Variants in ANKRD28 observed in about 807,000 individuals in gnomAD.
The protein encoded by ANKRD28 is serine/threonine-protein phosphatase 6 regulatory ankyrin repeat subunit A.
A neutral mutation model predicts 126.5 loss-of-function variants in ANKRD28; 44 were observed. That is an observed-to-expected ratio of 0.35 (90% CI 0.27 to 0.45). The LOEUF is 0.45. Ranked by LOEUF, ANKRD28 falls within the 20% of genes least tolerant of loss-of-function variation. ANKRD28 has a pLI of 1.00. For synonymous variants in ANKRD28, 442 were observed against 468.5 expected, an observed-to-expected ratio of 0.94 and a Z score of 0.73; for missense variants, 1,110 against 1,316.6, an observed-to-expected ratio of 0.84 and a Z score of 2.43.
At chr3:15,686,577 T>C (rs1226799979) in intron 18 of ANKRD28, 26 of 443,658 alleles carry the variant, frequency 5.9e-5, no homozygotes, top group Non-Finnish European at 9.8e-5. Context: ...AGAATGCTCA[T>C]TTTATTTAGC....
At chr3:15,742,210 G>A (rs1168184961) in intron 4 of ANKRD28, among the ~76,000 whole-genome samples, 17 of 151,366 alleles carry the variant, frequency 1.1e-4, no homozygotes, top group Admixed American at 3.9e-4. Context: ...CGTCTGGGAC[G>A]TGAGGAGCCC....
intron 17 of ANKRD28, among the ~76,000 whole-genome samples, chr3:15,694,052 A>AC (rs1314749978): frequency 1.3e-5 from 2 of 151,922 alleles, no homozygotes; most frequent in Non-Finnish European, 1.5e-5. Context: ...TTCTCAAAGT[A>AC]CCCCCTTCCC....
chr3:15,697,428 CT>C lies in ANKRD28; in HGVS notation c.1548-1184del, dbSNP rs764253365. The C allele has an allele frequency of 3.3e-5, 5 of 152,196 alleles. No individual in the cohort carries two copies. In the East Asian group the frequency reaches 5.8e-4, roughly 18 times the overall value. 9.4% of individuals were successfully genotyped at this position (152,196 alleles called of 1,614,324 possible). ...AATCTCAGAAATCATCAATAAAGAA[CT>C]TATCTATGTAACCAAAAACCACCTG... is the stretch of plus-strand genomic sequence containing the variant. On this transcript the variant is annotated intron_variant, in intron 14 of 27. Coordinates refer to ENST00000683139, the MANE Select transcript of ANKRD28 (RefSeq NM_001349278.2).
At chr3:15,800,174 T>C (rs896300812), upstream of ANKRD28, among the ~76,000 whole-genome samples, 18 of 152,186 alleles carry the variant, frequency 1.2e-4, 2 homozygotes, top group South Asian at 3.3e-3. Context: ...TTAAATTCCC[T>C]AAGCCTAAAT....
chr3:15,851,388 A>T (rs982227204), intron 1 of ANKRD28, among the ~76,000 whole-genome samples: 8 of 151,934 alleles, frequency 5.3e-5, no homozygotes, highest in African/African-American at 1.5e-4. Flanking sequence ...CCAAAAATAA[A>T]AAAAAATTAG....
chr3:15,708,038 T>C lies in ANKRD28; in HGVS notation c.1433A>G (p.Asn478Ser), dbSNP rs188642170. ...GRSPLHYAAA[N>S]CNYQCLFALV... ...AGCAAACAGGCACTGGTAATTGCAG[T>C]TGGCAGCAGCGTAGTGCAGTGGAGA... The change falls in exon 14 of 28, where the codon AAC becomes AGC. Residue 478 changes from asparagine to serine, a missense_variant. Asn to Ser is a conservative substitution (Grantham distance 46). Coordinates refer to ENST00000683139, the MANE Select transcript of ANKRD28 (RefSeq NM_001349278.2). 1.1e-5 allele frequency: 17 copies of C among 1,609,016 alleles called. No individual in the cohort carries two copies. Among genetic ancestry groups the C allele is most frequent in the East Asian group, 8.9e-5 (4 of 44,758 alleles).
intron 14 of ANKRD28, among the ~76,000 whole-genome samples, chr3:15,705,102 T>A (rs2071177586): frequency 6.6e-6 from 1 of 152,220 alleles, no homozygotes; most frequent in Admixed American, 6.5e-5. Flanking sequence ...ATCCCAAGTA[T>A]CAAGCCTGAT....
intron 4 of ANKRD28, among the ~76,000 whole-genome samples, chr3:15,747,378 G>A (rs1477954852): frequency 6.6e-6 from 1 of 151,996 alleles, no homozygotes; most frequent in Non-Finnish European, 1.5e-5. Flanking sequence ...TATCCCAGAG[G>A]TTTTGATAGG....
chr3:15,781,243 C>T (rs901430473), intron 2 of ANKRD28, among the ~76,000 whole-genome samples: 1 of 152,000 alleles, frequency 6.6e-6, no homozygotes, highest in Non-Finnish European at 1.5e-5. Flanking sequence ...TTTAGGTGTC[C>T]ATCTGACTGA....
intron 2 of ANKRD28, among the ~76,000 whole-genome samples, chr3:15,789,872 C>A (rs1395633735): frequency 6.6e-6 from 1 of 151,418 alleles, no homozygotes; most frequent in African/African-American, 2.4e-5. Flanking sequence ...AAATCTTTAG[C>A]CAGACTAAGA....
Position 15,747,474 on chromosome 3 carries a change from GTTATTTAATT to G in ANKRD28, c.351+4266_351+4275del, listed in dbSNP as rs569045728. Among the ~76,000 whole-genome samples, 618 of 152,212 alleles carry G rather than the reference GTTATTTAATT, an allele frequency of 4.1e-3. 7 individuals are homozygous for G. In the Middle Eastern group the frequency reaches 0.065, roughly 16 times the overall value. On this transcript the variant is annotated intron_variant, in intron 4 of 27. Coordinates refer to ENST00000683139, the MANE Select transcript of ANKRD28 (RefSeq NM_001349278.2). ...TGACCCAACGATCACTCAGGAGCAG[GTTATTTAATT>G]TCCATATTTGCATGGTTTTGTGGCT...
At chr3:15,859,232 G>A (rs1006911734) in intron 1 of ANKRD28, 26 of 1,264,358 alleles carry the variant, frequency 2.1e-5, no homozygotes, top group Non-Finnish European at 2.7e-5. Flanking sequence ...CCGGCCCGCC[G>A]TCTCGCGCAG....
At chr3:15,747,976 T>C (rs2057593692) in intron 4 of ANKRD28, among the ~76,000 whole-genome samples, 1 of 152,192 alleles carries the variant, frequency 6.6e-6, no homozygotes, top group Admixed American at 6.5e-5. Flanking sequence ...CTGCTGTTGC[T>C]TTAAGGTCTG....
At position 15,669,701 on chromosome 3, in the gene ANKRD28, C is replaced by T. The variant is rs1265208453; in HGVS notation, c.*569G>A. 6.6e-6 allele frequency: 1 copy of T among 152,208 alleles called. No homozygotes were observed. The highest frequency in any genetic ancestry group is 2.4e-5 in the African/African-American group (1 of 41,348). 9.4% of individuals were successfully genotyped at this position (152,208 alleles called of 1,614,324 possible). ...AAAAAAAAAACAAAACCCAAAAAAA[C>T]TCAACATTTAAAACCAAATCTCAGC... On this transcript the variant is annotated 3_prime_UTR_variant, in exon 28 of 28. Coordinates refer to ENST00000683139, the MANE Select transcript of ANKRD28 (RefSeq NM_001349278.2).
At chr3:15,849,684 C>A (rs547673008) in intron 1 of ANKRD28, among the ~76,000 whole-genome samples, 17 of 152,158 alleles carry the variant, frequency 1.1e-4, no homozygotes, top group African/African-American at 4.1e-4. Flanking sequence ...CTGTTTCACA[C>A]CCCTCCCCAA....
chr3:15,675,781 T>G, intron 27 of ANKRD28, 117 bp downstream of exon 27: 1 of 841,616 alleles, frequency 1.2e-6, no homozygotes, highest in East Asian at 2.9e-5. Context: ...TACTCTTCAA[T>G]ATTAACTTTA....
At chr3:15,826,061 T>C (rs996474632) in intron 1 of ANKRD28, among the ~76,000 whole-genome samples, 7 of 152,286 alleles carry the variant, frequency 4.6e-5, no homozygotes, top group African/African-American at 1.7e-4. Context: ...CTATATCCTA[T>C]GACCCAGCAA....
chr3:15,722,706 A>T (rs1461787920), intron 7 of ANKRD28, among the ~76,000 whole-genome samples: 1 of 152,202 alleles, frequency 6.6e-6, no homozygotes, highest in East Asian at 1.9e-4. Context: ...ATCACTGGTA[A>T]TAGAAATCAG....
At chr3:15,681,672 T>A (rs1350036018) in intron 21 of ANKRD28, among the ~76,000 whole-genome samples, 1 of 152,356 alleles carries the variant, frequency 6.6e-6, no homozygotes, top group East Asian at 1.9e-4. Context: ...TGTGGAAAAG[T>A]AATTTTTAGA....
Sources: gnomAD v4.1 joint callset for allele counts (sites outside exome capture counted in the v4.1 genomes callset) on GRCh38, gnomAD v4.1.1 for gene constraint, MANE v1.5 for transcripts, NCBI Gene and HGNC (gene_info 2026-07-23, HGNC 2026-07-21) for gene names.